The following PFKFB3 variants were observed in gnomAD, a reference collection of about 807,000 sequenced individuals.
PFKFB3 encodes the protein 6-phosphofructo-2-kinase/fructose-2,6-biphosphatase 3, also known as 6-phosphofructo-2-kinase/fructose-2,6-bisphosphatase 3.
Under a neutral mutation model 68.0 loss-of-function variants are expected in PFKFB3, and 33 were observed. The observed-to-expected ratio is 0.49, with a 90% CI of 0.37 to 0.65. The LOEUF is 0.65. Among genes scored for constraint, PFKFB3 ranks in the 30% least tolerant of loss-of-function variants. The pLI is 0.00. For synonymous variants in PFKFB3, 315 were observed against 288.2 expected (o/e 1.09, Z -0.94); for missense variants, 586 against 712.2 (o/e 0.82, Z 2.02).
At chr10:6,164,210 T>C (rs1228466802) in intron 1 of PFKFB3, among the ~76,000 whole-genome samples, 2 of 137,996 alleles carry the variant, frequency 1.4e-5, no homozygotes, top group African/African-American at 5.0e-5. Flanking sequence ...CTGGGGCAGG[T>C]CCGCGGTGGA....
rs796993849 is a variant in PFKFB3, at chr10:6,189,617, C to T, written c.17-24006C>T. ...ACAACCACCACCTCCCAGGTTCAAG[C>T]GATTCTCCTGCCTCAGCCTCCCGAG... On this transcript the variant is annotated intron_variant, in intron 1 of 14. Transcript: ENST00000379789. 2.0e-5 allele frequency among the ~76,000 whole-genome samples: 3 copies of T among 150,984 alleles called. No homozygotes were observed. In the South Asian group the frequency reaches 6.3e-4, roughly 31 times the overall value.
At chr10:6,146,188 T>G in intron 1 of PFKFB3, 1 of 1,403,650 alleles carries the variant, frequency 7.1e-7, no homozygotes, top group Non-Finnish European at 9.3e-7. Flanking sequence ...TGCTGTGCCG[T>G]CTCTCCCTTC....
the PFKFB3 span, among the ~76,000 whole-genome samples, chr10:6,309,041 A>T: frequency 0.035 from 5,379 of 152,290 alleles, 145 homozygotes; most frequent in Middle Eastern, 0.15. Context: ...CACAAATAAA[A>T]AAAAGAGAGG....
intron 13 of PFKFB3, among the ~76,000 whole-genome samples, chr10:6,225,479 T>C (rs1845277914): frequency 1.3e-5 from 2 of 152,282 alleles, no homozygotes; most frequent in South Asian, 4.1e-4. Context: ...CTGCCCCCGC[T>C]ATGGGATTGG....
At chr10:6,178,623 C>A (rs1253028399) in intron 1 of PFKFB3, among the ~76,000 whole-genome samples, 2 of 152,176 alleles carry the variant, frequency 1.3e-5, no homozygotes, top group Non-Finnish European at 1.5e-5. Context: ...TCGGTGCCTG[C>A]CCTGGGCCGT....
At chr10:6,292,568 C>T in the PFKFB3 span, among the ~76,000 whole-genome samples, 4 of 151,490 alleles carry the variant, frequency 2.6e-5, no homozygotes, top group East Asian at 1.9e-4. Context: ...GGATTACAGG[C>T]GTGAGCCACC....
chr10:6,308,963 T>C, the PFKFB3 span, among the ~76,000 whole-genome samples: 6 of 152,276 alleles, frequency 3.9e-5, no homozygotes, highest in Non-Finnish European at 7.4e-5. Context: ...CACGGGAATG[T>C]GCCAACAAGT....
intron 6 of PFKFB3, among the ~76,000 whole-genome samples, chr10:6,218,830 C>T (rs77387395): frequency 0.03 from 4,550 of 152,338 alleles, 93 homozygotes; most frequent in Middle Eastern, 0.092. Context: ...TCATCTTCCC[C>T]GGCTGAAACT....
chr10:6,271,490 C>A, the PFKFB3 span, among the ~76,000 whole-genome samples: 2 of 152,112 alleles, frequency 1.3e-5, no homozygotes, highest in Non-Finnish European at 2.9e-5. Context: ...GCTGGGAAGC[C>A]GAATTCTTTG....
chr10:6,157,677 C>G (rs1841850958), intron 1 of PFKFB3, among the ~76,000 whole-genome samples: 2 of 152,162 alleles, frequency 1.3e-5, no homozygotes, highest in South Asian at 4.1e-4. Flanking sequence ...AAAGGGAACC[C>G]ACTTCAAGCT....
intron 1 of PFKFB3, among the ~76,000 whole-genome samples, chr10:6,174,786 T>G (rs902664464): frequency 2.6e-5 from 4 of 151,776 alleles, no homozygotes; most frequent in African/African-American, 7.3e-5. Context: ...ACTCTGGGCC[T>G]GAGGAATAGC....
At chr10:6,146,333 G>A in intron 1 of PFKFB3, 1 of 1,529,130 alleles carries the variant, frequency 6.5e-7, no homozygotes, top group Non-Finnish European at 8.8e-7. Context: ...GCTCCTGGCG[G>A]TGAAGGGGGT....
the PFKFB3 span, among the ~76,000 whole-genome samples, chr10:6,285,759 A>G: frequency 6.6e-6 from 1 of 152,078 alleles, no homozygotes; most frequent in Non-Finnish European, 1.5e-5. Context: ...CCACTGTTTG[A>G]TTCTATGAAT....
intron 1 of PFKFB3, among the ~76,000 whole-genome samples, chr10:6,174,787 G>A (rs1392037994): frequency 6.6e-6 from 1 of 151,682 alleles, no homozygotes; most frequent in Non-Finnish European, 1.5e-5. Context: ...CTCTGGGCCT[G>A]AGGAATAGCT....
chr10:6,188,076 T>C (rs1842923573), intron 1 of PFKFB3, among the ~76,000 whole-genome samples: 1 of 151,654 alleles, frequency 6.6e-6, no homozygotes. Flanking sequence ...TGTGTACGTG[T>C]GCGTGTGTGT....
chr10:6,303,797 C>T, the PFKFB3 span, among the ~76,000 whole-genome samples: 2 of 64,008 alleles, frequency 3.1e-5, no homozygotes, highest in African/African-American at 9.5e-5. Flanking sequence ...GAGAGTCCAT[C>T]TAAAAAAAAA....
the PFKFB3 span, among the ~76,000 whole-genome samples, chr10:6,276,063 G>A: frequency 6.6e-6 from 1 of 152,164 alleles, no homozygotes; most frequent in Admixed American, 6.5e-5. Context: ...GACAGAGTCT[G>A]TCTTTAGGGA....
chr10:6,254,751 G>A (rs1317610945), downstream of PFKFB3: 1 of 160,688 alleles, frequency 6.2e-6, no homozygotes, highest in Non-Finnish European at 1.3e-5. Flanking sequence ...ATGTTTGGTA[G>A]GTTAGGTGTT....
the PFKFB3 span, among the ~76,000 whole-genome samples, chr10:6,317,228 G>A: frequency 6.6e-6 from 1 of 152,174 alleles, no homozygotes; most frequent in African/African-American, 2.4e-5. Context: ...AGGGGCAATG[G>A]TTGCAATCTG....
Sources: allele counts gnomAD v4.1 joint callset (sites outside exome capture counted in the v4.1 genomes callset), GRCh38; gene constraint gnomAD v4.1.1; transcripts MANE v1.5; gene names NCBI Gene and HGNC (gene_info 2026-07-23, HGNC 2026-07-21).